The following PHACTR2 variants were observed in gnomAD, a reference collection of about 807,000 sequenced individuals.
The protein encoded by PHACTR2 is chromosome 6 open reading frame 56.
Under a neutral mutation model 76.0 loss-of-function variants are expected in PHACTR2, and 30 were observed. The observed-to-expected ratio is 0.39, with a 90% CI of 0.30 to 0.54. The LOEUF is 0.54. PHACTR2 is among the 20% of genes least tolerant of loss of function. PHACTR2 has a pLI of 0.61. For synonymous variants in PHACTR2, 292 were observed against 292.5 expected (o/e 1.00, Z 0.02); for missense variants, 696 against 781.1 (o/e 0.89, Z 1.30).
At position 143,751,231 on chromosome 6, in the gene PHACTR2, C is replaced by T. The variant is rs1225634382; in HGVS notation, c.295+2166C>T. On this transcript the variant is annotated intron_variant, in intron 3 of 12. Transcript: ENST00000440869. The surrounding 1 kb of genome is among the most constrained non-coding windows in gnomAD (Gnocchi z 5.7). Reference sequence around the variant, plus strand: ...AAAAATCCCTCTAGCTACCCTGAGTCTGACCCCATCCCACCATATCCCATA... The same window carrying T: ...AAAAATCCCTCTAGCTACCCTGAGTTTGACCCCATCCCACCATATCCCATA... Among the ~76,000 whole-genome samples, 1 of 152,198 alleles carries T rather than the reference C, an allele frequency of 6.6e-6. No individual in the cohort carries two copies. Among genetic ancestry groups the T allele is most frequent in the Admixed American group, 6.5e-5 (1 of 15,282 alleles).
intron 12 of PHACTR2, among the ~76,000 whole-genome samples, chr6:143,813,766 G>A (rs897650514): frequency 3.3e-5 from 5 of 151,848 alleles, no homozygotes; most frequent in Non-Finnish European, 2.9e-5. Flanking sequence ...ATGGTAAGAA[G>A]TTTTTCTTCA....
rs1447142679 is a variant in PHACTR2, at chr6:143,543,232, T to C, written c.217+6025T>C. 6.6e-6 allele frequency among the ~76,000 whole-genome samples: 1 copy of C among 152,252 alleles called. No individual in the cohort carries two copies. The highest frequency in any genetic ancestry group is 2.4e-5 in the African/African-American group (1 of 41,466). On this transcript the variant is annotated intron_variant, in intron 1 of 11. Transcript: ENST00000367584. The surrounding 1 kb of genome is among the most constrained non-coding windows in gnomAD (Gnocchi z 4.7). ...TAAACTAGTTAAGCTCTAGTTTGTG[T>C]CAGTACCTCAGTGGCAGCTCTGAGA...
At position 143,809,714 on chromosome 6, in the gene PHACTR2, GTA is replaced by G. The variant is rs111770800; in HGVS notation, c.1922+2597_1922+2598del. The stretch of plus-strand genomic sequence containing the variant: ...TGCATTTATAAATGTGTGTATGTGT[GTA>G]TATATATATATATATTAAATATGTG... On this transcript the variant is annotated intron_variant, in intron 12 of 12. Transcript: ENST00000440869. This position sits in a 1 kb window ranked among gnomAD's most constrained non-coding sequence, Gnocchi z 4.2. Among the ~76,000 whole-genome samples the G allele has an allele frequency of 0.24, 35,398 of 149,194 alleles. 4,718 individuals are homozygous for G. Among genetic ancestry groups the G allele is most frequent in the East Asian group, 0.38 (1,965 of 5,128 alleles).
rs1346617154 is a variant in PHACTR2, at chr6:143,753,951, A to G, written c.454+39A>G. ...AAACCCATATTATTTACTTTAGTAT[A>G]TAGCTCAATGTCTAGAACCAGCACT... is the stretch of plus-strand genomic sequence containing the variant. On this transcript the variant is annotated intron_variant, in intron 4 of 12. Coordinates refer to ENST00000440869, the MANE Select transcript of PHACTR2 (RefSeq NM_001100164.2). This position sits in a 1 kb window ranked among gnomAD's most constrained non-coding sequence, Gnocchi z 4.6. 3 of 1,460,868 alleles carry G rather than the reference A, an allele frequency of 2.1e-6. No homozygotes were observed. The highest frequency in any genetic ancestry group is 2.8e-5 in the African/African-American group (2 of 70,386). The allele number at this position is 1,460,868 out of a possible 1,614,324, so 90.5% of individuals were successfully genotyped here.
Position 143,570,135 on chromosome 6 carries a change from G to A in PHACTR2, c.217+32928G>A, listed in dbSNP as rs1037781390. ...TCTTAAGAGATTCTGTTTCCCTTAAGTGTGTTAGGCTCAAATCAGATTTAA... is the reference window on the plus strand; with the variant it reads ...TCTTAAGAGATTCTGTTTCCCTTAAATGTGTTAGGCTCAAATCAGATTTAA... On this transcript the variant is annotated intron_variant, in intron 1 of 11. Transcript: ENST00000367584. This position sits in a 1 kb window ranked among gnomAD's most constrained non-coding sequence, Gnocchi z 4.6. Among the ~76,000 whole-genome samples, 1 of 152,144 alleles carries A rather than the reference G, an allele frequency of 6.6e-6. No individual in the cohort carries two copies. The highest frequency in any genetic ancestry group is 6.5e-5 in the Admixed American group (1 of 15,280).
rs892466968 is a variant in PHACTR2 at position 143,671,364 on chromosome 6, T to C, written c.14-40652T>C. 2.0e-4 allele frequency among the ~76,000 whole-genome samples: 30 copies of C among 152,184 alleles called. No individual in the cohort carries two copies. The highest frequency in any genetic ancestry group is 3.7e-4 in the Non-Finnish European group (25 of 68,036). ...CTCAAACATATGCCATGCTCCTGTC[T>C]TTATATTAACTGGTCTTTCTTCTTG... is the stretch of plus-strand genomic sequence containing the variant. On this transcript the variant is annotated intron_variant, in intron 1 of 11. Coordinates refer to the PHACTR2 transcript ENST00000305766. This position sits in a 1 kb window ranked among gnomAD's most constrained non-coding sequence, Gnocchi z 4.6.
chr6:143,791,108 T>C lies in PHACTR2; in HGVS notation c.1845+2198T>C, dbSNP rs1286904153. Among the ~76,000 whole-genome samples the C allele has an allele frequency of 2.0e-5, 3 of 152,230 alleles. No homozygotes were observed. Among genetic ancestry groups the C allele is most frequent in the Non-Finnish European group, 4.4e-5 (3 of 68,034 alleles). On this transcript the variant is annotated intron_variant, in intron 11 of 12. Coordinates refer to ENST00000440869, the MANE Select transcript of PHACTR2 (RefSeq NM_001100164.2). The surrounding 1 kb of genome is among the most constrained non-coding windows in gnomAD (Gnocchi z 4.7). ...ATATTCTCATATACTGTCTTCTAAA[T>C]TGTTTATAATTTTGCTTTTCACATT...
At chr6:143,792,837 G>A (rs1336701434) in intron 11 of PHACTR2, among the ~76,000 whole-genome samples, 1 of 152,124 alleles carries the variant, frequency 6.6e-6, no homozygotes, top group Non-Finnish European at 1.5e-5. Flanking sequence ...AGAGAACCAG[G>A]TAAAAGCTAT....
intron 2 of PHACTR2, among the ~76,000 whole-genome samples, chr6:143,740,508 T>TAA (rs10638908): frequency 0.12 from 15,918 of 128,514 alleles, 1,129 homozygotes; most frequent in Middle Eastern, 0.21. Flanking sequence ...TCCTTTTAAT[T>TAA]AAAAAAAAAA....
At position 143,539,771 on chromosome 6, in the gene PHACTR2, A is replaced by G. The variant is rs906489355; in HGVS notation, c.217+2564A>G. On this transcript the variant is annotated intron_variant, in intron 1 of 11. Transcript: ENST00000367584. This position sits in a 1 kb window ranked among gnomAD's most constrained non-coding sequence, Gnocchi z 4.3. ...CCTAGGCCTGCTTAACTGAATCTGCATTTTAATAAGATCCCCAGGTTGTTC... is the reference window on the plus strand; with the variant it reads ...CCTAGGCCTGCTTAACTGAATCTGCGTTTTAATAAGATCCCCAGGTTGTTC... 6.6e-6 allele frequency among the ~76,000 whole-genome samples: 1 copy of G among 152,158 alleles called. No homozygotes were observed. Among genetic ancestry groups the G allele is most frequent in the Admixed American group, 6.5e-5 (1 of 15,274 alleles).
chr6:143,610,290 AAAAAATCTG>A lies in PHACTR2; in HGVS notation c.13+1981_13+1989del, dbSNP rs1443639725. 1.3e-5 allele frequency among the ~76,000 whole-genome samples: 2 copies of A among 152,164 alleles called. No homozygotes were observed. Among genetic ancestry groups the A allele is most frequent in the Non-Finnish European group, 2.9e-5 (2 of 68,036 alleles). ...AGATAAAACTGGTAAGTGGCAAAAA[AAAAAATCTG>A]AAAAATCTGAAATAACTTGGAGCAC... On this transcript the variant is annotated intron_variant, in intron 1 of 11. Coordinates refer to the PHACTR2 transcript ENST00000305766. The surrounding 1 kb of genome is among the most constrained non-coding windows in gnomAD (Gnocchi z 4.9).
rs1775279039 is a variant in PHACTR2 at position 143,776,664 on chromosome 6, T to A, written c.1590-664T>A. Among the ~76,000 whole-genome samples the A allele has an allele frequency of 6.6e-6, 1 of 152,110 alleles. No individual in the cohort carries two copies. Among genetic ancestry groups the A allele is most frequent in the African/African-American group, 2.4e-5 (1 of 41,416 alleles). On this transcript the variant is annotated intron_variant, in intron 8 of 12. Coordinates refer to ENST00000440869, the MANE Select transcript of PHACTR2 (RefSeq NM_001100164.2). This position sits in a 1 kb window ranked among gnomAD's most constrained non-coding sequence, Gnocchi z 5.3. ...TGGTTTGAACCACTGCAGTTTTTGG[T>A]CTCTGCTACAGCTTAGCTTATAGTC...
At chr6:143,575,720 G>T (rs1257812235) in intron 1 of PHACTR2, among the ~76,000 whole-genome samples, 1 of 152,026 alleles carries the variant, frequency 6.6e-6, no homozygotes, top group African/African-American at 2.4e-5. Context: ...ATTACTTTTT[G>T]TTTTTAACTA....
rs1777883812 is a variant in PHACTR2 at position 143,700,495 on chromosome 6, C to T, written c.47-11521C>T. On this transcript the variant is annotated intron_variant, in intron 1 of 12. Transcript: ENST00000440869. The surrounding 1 kb of genome is among the most constrained non-coding windows in gnomAD (Gnocchi z 4.1). The stretch of plus-strand genomic sequence containing the variant: ...ACTTGGACCCAGGAGCCGGAGGTTG[C>T]AGTGAGCTGAGATCTCACCACTGCA... Among the ~76,000 whole-genome samples, 1 of 152,124 alleles carries T rather than the reference C, an allele frequency of 6.6e-6. No individual in the cohort carries two copies. Among genetic ancestry groups the T allele is most frequent in the African/African-American group, 2.4e-5 (1 of 41,418 alleles).
intron 1 of PHACTR2, among the ~76,000 whole-genome samples, chr6:143,651,554 C>T (rs1776764585): frequency 6.6e-6 from 1 of 152,110 alleles, no homozygotes; most frequent in African/African-American, 2.4e-5. Context: ...CATGATGGAG[C>T]TGGAAGCCAT....
intron 2 of PHACTR2, among the ~76,000 whole-genome samples, chr6:143,741,250 G>A (rs1480211589): frequency 1.3e-5 from 2 of 151,624 alleles, no homozygotes; most frequent in Non-Finnish European, 2.9e-5. Context: ...GGTGGCGCAC[G>A]CCTTTAATCC....
chr6:143,600,948 A>G (rs975080011), intron 1 of PHACTR2, among the ~76,000 whole-genome samples: 1 of 152,258 alleles, frequency 6.6e-6, no homozygotes, highest in Non-Finnish European at 1.5e-5. Flanking sequence ...AAGAGATGAC[A>G]CATGAACATG....
intron 5 of PHACTR2, among the ~76,000 whole-genome samples, chr6:143,762,827 C>T (rs1779471392): frequency 6.6e-6 from 1 of 152,084 alleles, no homozygotes; most frequent in Non-Finnish European, 1.5e-5. Context: ...TTTTGTTTCT[C>T]ATTGTTACAC....
chr6:143,599,594 A>T lies in PHACTR2; in HGVS notation c.217+62387A>T, dbSNP rs1423573556. ...TACTAAAGAAATGCTTATTAATTTA[A>T]ATTTAAGTCAAGCAGAGCCTAGAAT... On this transcript the variant is annotated intron_variant, in intron 1 of 11. Transcript: ENST00000367584. The surrounding 1 kb of genome is among the most constrained non-coding windows in gnomAD (Gnocchi z 4.6). Among the ~76,000 whole-genome samples, 4 of 152,176 alleles carry T rather than the reference A, an allele frequency of 2.6e-5. No homozygotes were observed. The highest frequency in any genetic ancestry group is 2.6e-4 in the Admixed American group (4 of 15,282).
Sources: allele counts gnomAD v4.1 joint callset (sites outside exome capture counted in the v4.1 genomes callset), GRCh38; gene constraint gnomAD v4.1.1; non-coding constraint Gnocchi (gnomAD v3.1); transcripts MANE v1.5; gene names NCBI Gene and HGNC (gene_info 2026-07-23, HGNC 2026-07-21).